CCNB1IP1: variants seen among roughly 807,000 people sequenced by gnomAD.
CCNB1IP1 encodes E3 ubiquitin-protein ligase CCNB1IP1.
In CCNB1IP1, 14 loss-of-function variants were observed where a neutral mutation model predicts 25.6. The ratio of observed to expected loss-of-function variants is 0.55; its 90% CI spans 0.36 to 0.85. The LOEUF (loss-of-function observed/expected upper bound fraction) is 0.85, where lower values mean the gene tolerates loss of function less well. Ranked by LOEUF, CCNB1IP1 falls within the 40% of genes least tolerant of loss-of-function variation. The pLI is 0.01. For missense variants in CCNB1IP1, 278 were observed against 342.4 expected (o/e 0.81, Z 1.48); for synonymous variants, 119 against 116.1 (o/e 1.02, Z -0.16).
rs1302063935 is a variant in CCNB1IP1, at chr14:20,316,368, GTT to G, written c.154_155del (p.Asn52GlnfsTer21). 6.2e-7 allele frequency: 1 copy of G among 1,613,888 alleles called. No homozygotes were observed. Among genetic ancestry groups the G allele is most frequent in the Non-Finnish European group, 8.5e-7 (1 of 1,179,886 alleles). On this transcript the variant is annotated frameshift_variant, in exon 5 of 7. Coordinates refer to ENST00000358932, the MANE Select transcript of CCNB1IP1 (RefSeq NM_021178.5). LOFTEE classifies it high-confidence loss of function. ...TATCTAGCTTTCCAGAAAGGGTACT[GTT>G]GCAGGCAGGACAGATAGCTGGTGAG... ...SRSPAICPACNSTLSGKLDIV... is the reference protein window; with the variant it reads ...SRSPAICPACXSTLSGKLDIV...
At chr14:20,322,276 G>A (rs1882917205) in intron 4 of CCNB1IP1, among the ~76,000 whole-genome samples, 1 of 152,122 alleles carries the variant, frequency 6.6e-6, no homozygotes, top group African/African-American at 2.4e-5. Flanking sequence ...GCCCTGGTTT[G>A]TCAATCAGGG....
chr14:20,320,004 G>C (rs951300179), intron 4 of CCNB1IP1, among the ~76,000 whole-genome samples: 8 of 152,202 alleles, frequency 5.3e-5, no homozygotes, highest in Admixed American at 3.3e-4. Flanking sequence ...TTACTCGTAA[G>C]AGTGAGCATT....
chr14:20,320,112 A>G (rs1882843710), intron 4 of CCNB1IP1, among the ~76,000 whole-genome samples: 1 of 152,248 alleles, frequency 6.6e-6, no homozygotes, highest in Admixed American at 6.5e-5. Flanking sequence ...TTTAACAGTA[A>G]TATGACATGC....
At chr14:20,313,827 T>G in intron 5 of CCNB1IP1, 26 bp from the exon 6 acceptor site, 1 of 1,498,082 alleles carries the variant, frequency 6.7e-7, no homozygotes, top group African/African-American at 1.4e-5. Flanking sequence ...AAAAGATTTT[T>G]AAGGTATTGG....
intron 5 of CCNB1IP1, 91 bp downstream of exon 5, chr14:20,316,136 A>C (rs1882686220): frequency 8.7e-7 from 1 of 1,150,918 alleles, no homozygotes; most frequent in African/African-American, 1.6e-5. Context: ...ACTCATAAAA[A>C]ATTAATAATA....
At chr14:20,323,352 T>G (rs1308727174) in intron 4 of CCNB1IP1, 1 of 152,078 alleles carries the variant, frequency 6.6e-6, no homozygotes, top group East Asian at 1.9e-4. Context: ...CACATTAATT[T>G]AAGAAACGTT....
At chr14:20,316,066 AT>A (rs935004409) in intron 5 of CCNB1IP1, among the ~76,000 whole-genome samples, 160 bp downstream of exon 5, 20 of 152,206 alleles carry the variant, frequency 1.3e-4, no homozygotes, top group African/African-American at 4.8e-4. Context: ...CTTCCTTTTG[AT>A]TTTCAACAAT....
chr14:20,313,320 G>T, intron 6 of CCNB1IP1, 148 bp downstream of exon 6: 1 of 549,674 alleles, frequency 1.8e-6, no homozygotes, highest in Non-Finnish European at 3.1e-6. Context: ...TGATGTACAG[G>T]TTGAAACATG....
chr14:20,325,295 A>C (rs12890776), intron 4 of CCNB1IP1, among the ~76,000 whole-genome samples: 2 of 151,068 alleles, frequency 1.3e-5, no homozygotes, highest in African/African-American at 4.8e-5. Context: ...GTGGCGGGCA[A>C]CTGTAGTCCC....
At chr14:20,319,315 G>T (rs573716353) in intron 4 of CCNB1IP1, among the ~76,000 whole-genome samples, 1 of 152,252 alleles carries the variant, frequency 6.6e-6, no homozygotes, top group East Asian at 1.9e-4. Flanking sequence ...CTTTAAAGTG[G>T]TAATTTAATT....
At position 20,313,600 on chromosome 14, in the gene CCNB1IP1, G is replaced by A. The variant is rs772896629; in HGVS notation, c.499C>T (p.Arg167Cys). 38 of 1,614,048 alleles carry A rather than the reference G, an allele frequency of 2.4e-5. No individual in the cohort carries two copies. The highest frequency in any genetic ancestry group is 5.0e-5 in the Admixed American group (3 of 60,004). The change falls in exon 6 of 7, where the codon CGC (arginine) becomes TGC (cysteine). Residue 167 changes from arginine (R) to cysteine (C), a missense_variant. Coordinates refer to ENST00000358932, the MANE Select transcript of CCNB1IP1 (RefSeq NM_021178.5). ...TGGAGCTTTTGATACTGACGATTGC[G>A]CTCCATAAGTTTCTCAGAGATGTCA... ...FSDISEKLMERNRQYQKLQGL... is the reference protein window; with the variant it reads ...FSDISEKLMECNRQYQKLQGL...
intron 5 of CCNB1IP1, among the ~76,000 whole-genome samples, chr14:20,315,048 G>A (rs1195331851): frequency 3.9e-5 from 5 of 128,394 alleles, no homozygotes; most frequent in Admixed American, 9.2e-5. Context: ...CTGAGATCGC[G>A]CCACTGCACT....
At chr14:20,317,825 T>C (rs1367714756) in intron 4 of CCNB1IP1, 1 of 152,238 alleles carries the variant, frequency 6.6e-6, no homozygotes, top group African/African-American at 2.4e-5. Context: ...GCGGAAAAAC[T>C]CCGTTGCCTC....
At chr14:20,313,409 G>A (rs1440218453) in intron 6 of CCNB1IP1, 59 bp downstream of exon 6, 2 of 1,326,100 alleles carry the variant, frequency 1.5e-6, no homozygotes, top group East Asian at 2.3e-5. Context: ...GAAGTGGGCA[G>A]AGCAGTATAA....
Position 20,311,511 on chromosome 14 carries a change from A to C in CCNB1IP1, c.*39T>G. Reference sequence around the variant, plus strand: ...GTGATCCTCCCAGCCTCAACCTCCTAAGTAGCTGGGATCACAGGTGCGTGA... The same window carrying C: ...GTGATCCTCCCAGCCTCAACCTCCTCAGTAGCTGGGATCACAGGTGCGTGA... On this transcript the variant is annotated 3_prime_UTR_variant, in exon 7 of 7. Transcript: ENST00000358932. 6.4e-7 allele frequency: 1 copy of C among 1,563,444 alleles called. No individual in the cohort carries two copies. The highest frequency in any genetic ancestry group is 8.8e-7 in the Non-Finnish European group (1 of 1,136,094).
chr14:20,325,458 A>T (rs1260405809), intron 4 of CCNB1IP1, 81 bp downstream of exon 4: 1 of 151,616 alleles, frequency 6.6e-6, no homozygotes, highest in Non-Finnish European at 1.5e-5. Context: ...GCACCTTAGC[A>T]GCTGGCCATG....
At chr14:20,321,792 A>C (rs1882905583) in intron 4 of CCNB1IP1, among the ~76,000 whole-genome samples, 1 of 152,200 alleles carries the variant, frequency 6.6e-6, no homozygotes, top group South Asian at 2.1e-4. Context: ...AAGTTATTAC[A>C]GTTGCATACC....
intron 4 of CCNB1IP1, chr14:20,323,117 GCTT>G (rs1226393991): frequency 2.0e-5 from 3 of 152,108 alleles, no homozygotes; most frequent in African/African-American, 7.2e-5. Flanking sequence ...AAACTAGGCT[GCTT>G]CTTTTATTTT....
At chr14:20,330,191 G>A (rs188715140) in intron 1 of CCNB1IP1, among the ~76,000 whole-genome samples, 1,635 of 151,588 alleles carry the variant, frequency 0.011, 7 homozygotes, top group Non-Finnish European at 0.017. Context: ...ACGAATTTAT[G>A]CAAAAACAGA....
Sources: allele counts gnomAD v4.1 joint callset (sites outside exome capture counted in the v4.1 genomes callset), GRCh38; gene constraint gnomAD v4.1.1; transcripts MANE v1.5; gene names NCBI Gene and HGNC (gene_info 2026-07-23, HGNC 2026-07-21).